The following NAT10 variants were observed in gnomAD, a reference collection of about 807,000 sequenced individuals.
NAT10 encodes N-acetyltransferase 10.
A neutral mutation model predicts 132.2 loss-of-function variants in NAT10; 109 were observed. The observed-to-expected ratio is 0.82, with a 90% CI of 0.71 to 0.97. The LOEUF (loss-of-function observed/expected upper bound fraction) is 0.97. Among genes scored for constraint, NAT10 ranks in the 50% least tolerant of loss-of-function variants. The pLI is 0.00. For missense variants in NAT10, 1,184 were observed against 1,263.4 expected, an observed-to-expected ratio of 0.94 and a Z score of 0.95; for synonymous variants, 479 against 478.0, an observed-to-expected ratio of 1.00 and a Z score of -0.03.
chr11:34,130,161 T>C (rs77039202), intron 12 of NAT10, among the ~76,000 whole-genome samples: 166 of 152,320 alleles, frequency 1.1e-3, no homozygotes, highest in African/African-American at 3.8e-3. Flanking sequence ...TGGTGACATA[T>C]GCCTGTGACT....
At chr11:34,123,739 C>T in intron 9 of NAT10, 23 bp from the exon 10 acceptor site, 1 of 1,493,336 alleles carries the variant, frequency 6.7e-7, no homozygotes, top group Non-Finnish European at 9.2e-7. Context: ...TCTTAAAAAT[C>T]CTTCTTTTAT....
In NAT10 at chr11:34,143,442, T is replaced by TA. The variant is rs756993156; in HGVS notation, c.2886-2dup. On this transcript the variant is annotated splice_polypyrimidine_tract_variant and splice_region_variant and intron_variant, in intron 27 of 28. Coordinates refer to ENST00000257829, the MANE Select transcript of NAT10 (RefSeq NM_024662.3). ...GCTTTGATAGTTCCCTTCTTTTTTTTAGATACATAATCCGTGGGGACGATG... is the reference window on the plus strand; with the variant it reads ...GCTTTGATAGTTCCCTTCTTTTTTTTAAGATACATAATCCGTGGGGACGATG... 6.2e-7 allele frequency: 1 copy of TA among 1,613,298 alleles called. No homozygotes were observed. The highest frequency in any genetic ancestry group is 1.1e-5 in the South Asian group (1 of 90,850).
In NAT10 at chr11:34,142,390, G is replaced by T. The variant is rs746479509; in HGVS notation, c.2885+42G>T. 1.9e-6 allele frequency: 3 copies of T among 1,576,278 alleles called. No individual in the cohort carries two copies. The South Asian group carries it at 3.3e-5, about 18-fold the overall frequency. ...GCAGAGGGTTTGCCTTGGCTTCTGG[G>T]GCCCTAAGAATCTGCCTACACGTTT... On this transcript the variant is annotated intron_variant, in intron 27 of 28. Transcript: ENST00000257829.
At chr11:34,132,918 G>T in intron 15 of NAT10, 108 bp from the exon 16 acceptor site, 1 of 837,968 alleles carries the variant, frequency 1.2e-6, no homozygotes, top group East Asian at 2.5e-5. Flanking sequence ...TCCTCACTTG[G>T]CTTTGGAGAA....
intron 11 of NAT10, among the ~76,000 whole-genome samples, chr11:34,124,823 A>G (rs777698054): frequency 2.0e-5 from 3 of 152,232 alleles, no homozygotes; most frequent in Non-Finnish European, 4.4e-5. Context: ...TGGTTTAGCC[A>G]GTGGCCTATT....
intron 8 of NAT10, among the ~76,000 whole-genome samples, chr11:34,121,117 AC>A (rs1229120209): frequency 6.6e-6 from 1 of 152,132 alleles, no homozygotes; most frequent in Non-Finnish European, 1.5e-5. Flanking sequence ...TTACTCTATA[AC>A]AGATGGGAGC....
chr11:34,145,237 C>T (rs575251141), intron 28 of NAT10, among the ~76,000 whole-genome samples: 29 of 152,354 alleles, frequency 1.9e-4, no homozygotes, highest in African/African-American at 6.7e-4. Flanking sequence ...AGAAGCCTCT[C>T]GAGCCCAACA....
chr11:34,112,188 A>T lies in NAT10; in HGVS notation c.337A>T (p.Ile113Phe). The T allele has an allele frequency of 6.2e-7, 1 of 1,614,234 alleles. No individual in the cohort carries two copies. The highest frequency in any genetic ancestry group is 1.1e-5 in the South Asian group (1 of 91,080). ...CTGCTACTACAACGAGACCCACAAG[A>T]TCCTGGGCAATACCTTCGGCATGTG... ...RYCYYNETHK[I>F]LGNTFGMCVL... The change falls in exon 4 of 29, where the codon ATC becomes TTC. Residue 113 changes from isoleucine to phenylalanine, a missense_variant. Ile to Phe is a conservative substitution (Grantham distance 21). Coordinates refer to ENST00000257829, the MANE Select transcript of NAT10 (RefSeq NM_024662.3).
At chr11:34,140,634 G>T (rs1014540279) in intron 24 of NAT10, 62 bp downstream of exon 24, 24 of 1,554,696 alleles carry the variant, frequency 1.5e-5, no homozygotes, top group Non-Finnish European at 2.1e-5. Context: ...CATTTGCTGG[G>T]TGTTGGGTTG....
At chr11:34,140,111 A>G (rs762456324) in intron 23 of NAT10, among the ~76,000 whole-genome samples, 3 of 151,680 alleles carry the variant, frequency 2.0e-5, no homozygotes, top group Non-Finnish European at 1.5e-5. Flanking sequence ...GAAAGAGTGT[A>G]GTTGTGTTCC....
intron 4 of NAT10, among the ~76,000 whole-genome samples, chr11:34,113,164 A>G (rs1157205172): frequency 6.6e-6 from 1 of 152,192 alleles, no homozygotes; most frequent in Non-Finnish European, 1.5e-5. Flanking sequence ...TCCTGTGAGC[A>G]GTAGCTCCCC....
chr11:34,133,196 C>T, intron 16 of NAT10, 54 bp downstream of exon 16: 2 of 1,331,678 alleles, frequency 1.5e-6, no homozygotes, highest in Non-Finnish European at 2.2e-6. Flanking sequence ...ACTGAGGCAT[C>T]AGGAATTAGT....
intron 11 of NAT10, 98 bp downstream of exon 11, chr11:34,124,498 T>A: frequency 1.3e-6 from 1 of 790,600 alleles, no homozygotes; most frequent in Non-Finnish European, 2.0e-6. Context: ...ATGTCTTGTG[T>A]AATTGCATGT....
intron 8 of NAT10, among the ~76,000 whole-genome samples, chr11:34,120,172 G>T (rs539451898): frequency 6.0e-5 from 6 of 100,706 alleles, no homozygotes; most frequent in African/African-American, 1.4e-4. Flanking sequence ...TTGGTGAGCC[G>T]GTCTGCTTAT....
chr11:34,118,358 G>A (rs1851821191), intron 7 of NAT10, 38 bp from the exon 8 acceptor site: 1 of 1,610,860 alleles, frequency 6.2e-7, no homozygotes, highest in East Asian at 2.2e-5. Flanking sequence ...TTCCTCCTGT[G>A]ACAGTGACAG....
intron 21 of NAT10, 52 bp downstream of exon 21, chr11:34,137,078 T>C (rs973696417): frequency 6.3e-7 from 1 of 1,598,690 alleles, no homozygotes; most frequent in Admixed American, 1.7e-5. Flanking sequence ...TTATGGTAGG[T>C]GACAGGCCTG....
chr11:34,118,092 C>T (rs1851815623), intron 6 of NAT10, 88 bp from the exon 7 acceptor site: 1 of 1,064,432 alleles, frequency 9.4e-7, no homozygotes, highest in Admixed American at 2.1e-5. Context: ...ACACTTGGGG[C>T]CAGTTAATTT....
Position 34,123,861 on chromosome 11 carries a change from A to G in NAT10, c.1008+6A>G. On this transcript the variant is annotated splice_donor_region_variant and intron_variant, in intron 10 of 28. Transcript: ENST00000257829. ...TTGATGCTCTGCAATATCAGGTAGG[A>G]AATTTGGATTAAGAATTTTTATTTT... The G allele has an allele frequency of 6.3e-7, 1 of 1,595,754 alleles. No individual in the cohort carries two copies. The highest frequency in any genetic ancestry group is 1.3e-5 in the African/African-American group (1 of 74,622).
chr11:34,122,323 A>G (rs1851908873), intron 8 of NAT10, 136 bp from the exon 9 acceptor site: 2 of 1,071,236 alleles, frequency 1.9e-6, no homozygotes, highest in Non-Finnish European at 2.8e-6. Context: ...GGTGCTGAGC[A>G]GTGCTTTCTG....
Sources: allele counts gnomAD v4.1 joint callset (sites outside exome capture counted in the v4.1 genomes callset), GRCh38; gene constraint gnomAD v4.1.1; transcripts MANE v1.5; gene names NCBI Gene and HGNC (gene_info 2026-07-23, HGNC 2026-07-21).